The following TPM4 variants were observed in gnomAD, a reference collection of about 807,000 sequenced individuals.
The protein encoded by TPM4 is tropomyosin 4.
A neutral mutation model predicts 35.8 loss-of-function variants in TPM4; 17 were observed. The ratio of observed to expected loss-of-function variants is 0.47; its 90% CI spans 0.32 to 0.71. The LOEUF is 0.71. TPM4 is among the 30% of genes least tolerant of loss of function. TPM4 has a pLI of 0.03. For missense variants in TPM4, 240 were observed against 320.9 expected, an observed-to-expected ratio of 0.75 and a Z score of 1.93; for synonymous variants, 120 against 122.9, an observed-to-expected ratio of 0.98 and a Z score of 0.15.
At chr19:16,088,574 G>A in intron 4 of TPM4, 2 of 1,035,200 alleles carry the variant, frequency 1.9e-6, no homozygotes, top group South Asian at 7.1e-5. Flanking sequence ...CTGTCCTCTT[G>A]GCCCCGGGTG....
rs1383187810 is a variant in TPM4 at position 16,087,533 on chromosome 19, A to G, written c.385-494A>G. Among the ~76,000 whole-genome samples, 29 of 150,398 alleles carry G rather than the reference A, an allele frequency of 1.9e-4. 1 individual carries two copies. Among genetic ancestry groups the G allele is most frequent in the Admixed American group, 1.9e-3 (29 of 15,116 alleles). ...CAGAGGTTGCAGTGAGTCAAGGTTGAGCCACTGCATTTCAGCCTGGGTGAT... is the reference window on the plus strand; with the variant it reads ...CAGAGGTTGCAGTGAGTCAAGGTTGGGCCACTGCATTTCAGCCTGGGTGAT... On this transcript the variant is annotated intron_variant, in intron 3 of 7. Transcript: ENST00000643579.
At chr19:16,100,495 A>G (rs1463449470) in intron 7 of TPM4, 1 of 152,194 alleles carries the variant, frequency 6.6e-6, no homozygotes, top group Non-Finnish European at 1.5e-5. Context: ...GTTCCTTAGT[A>G]TTCTGTGATG....
intron 2 of TPM4, among the ~76,000 whole-genome samples, chr19:16,084,495 G>C (rs927903956): frequency 2.0e-5 from 3 of 152,232 alleles, no homozygotes; most frequent in Non-Finnish European, 4.4e-5. Context: ...AGACCAGCCT[G>C]GCTGGATGCT....
rs1255596160 is a variant in TPM4, at chr19:16,101,857, GT to G, written c.*512del. 6 of 228,272 alleles carry G rather than the reference GT, an allele frequency of 2.6e-5. No individual in the cohort carries two copies. The highest frequency in any genetic ancestry group is 1.3e-4 in the African/African-American group (6 of 45,018). The allele number at this position is 228,272 out of a possible 1,614,324, so 14.1% of individuals were successfully genotyped here. On this transcript the variant is annotated 3_prime_UTR_variant, in exon 8 of 8. Coordinates refer to ENST00000643579, the MANE Select transcript of TPM4 (RefSeq NM_003290.3). ...CTGGTGGGGGCCGGGGGTGGCTATTGTGGGAAGTCATAACCCACAGATAGAT... is the reference window on the plus strand; with the variant it reads ...CTGGTGGGGGCCGGGGGTGGCTATTGGGGAAGTCATAACCCACAGATAGAT...
intron 1 of TPM4, chr19:16,076,941 C>A (rs2090415843): frequency 2.4e-6 from 2 of 818,780 alleles, no homozygotes; most frequent in Non-Finnish European, 3.2e-6. Context: ...CGGGGCCGGC[C>A]AAGCGGGAAA....
intron 1 of TPM4, chr19:16,080,905 T>C: frequency 2.5e-6 from 1 of 397,170 alleles, no homozygotes; most frequent in Non-Finnish European, 4.4e-6. Context: ...TTGTACTTCC[T>C]TTCTTGTAGG....
At chr19:16,092,954 A>G (rs1320822579) in intron 5 of TPM4, 1 of 158,736 alleles carries the variant, frequency 6.3e-6, no homozygotes, top group Non-Finnish European at 1.4e-5. Context: ...TCCAGGGTTC[A>G]AGCCATCTTC....
rs143156187 is a variant in TPM4 at position 16,069,524 on chromosome 19, GGTGTGT to G, written c.114+1787_114+1792del. On this transcript the variant is annotated intron_variant, in intron 2 of 2. Transcript: ENST00000589897. ...GTGTGTATGATTGTGTGTTTCTATT[GGTGTGT>G]ATGTGTGTTGTGTGTGGATGAGTGT... Among the ~76,000 whole-genome samples, 37 of 145,644 alleles carry G rather than the reference GGTGTGT, an allele frequency of 2.5e-4. 1 individual carries two copies. The highest frequency in any genetic ancestry group is 4.6e-4 in the African/African-American group (18 of 39,112).
In TPM4 at chr19:16,067,739, G is replaced by A. The variant is rs777472943; in HGVS notation, c.114+1G>A. On this transcript the variant is annotated splice_donor_variant, in intron 2 of 2. Coordinates refer to the TPM4 transcript ENST00000589897. LOFTEE classifies it high-confidence loss of function. This position sits in a 1 kb window ranked among gnomAD's most constrained non-coding sequence, Gnocchi z 4.1. ...AGCCGCTGAGGACAAGTGCAAGCAG[G>A]TGAGGTGCCCTCCGCTGGGCCGCTC... 1.6e-5 allele frequency: 25 copies of A among 1,611,388 alleles called. No individual in the cohort carries two copies. The highest frequency in any genetic ancestry group is 2.1e-5 in the Non-Finnish European group (25 of 1,179,386).
chr19:16,081,057 C>G lies in TPM4; in HGVS notation c.133-856C>G, dbSNP rs192622459. 7 of 398,580 alleles carry G rather than the reference C, an allele frequency of 1.8e-5. No homozygotes were observed. The Admixed American group carries it at 2.6e-4, about 15-fold the overall frequency. 24.7% of individuals were successfully genotyped at this position (398,580 alleles called of 1,614,324 possible). A position where few individuals can be genotyped will look rare whatever the true frequency, so the allele number is the denominator to read the frequency against. On this transcript the variant is annotated intron_variant, in intron 1 of 7. Transcript: ENST00000643579. ...AAGGATGGAATTCCAACGAGGCTCC[C>G]CCGCCTCGTCCCACCTTGGTAATTG...
intron 1 of TPM4, among the ~76,000 whole-genome samples, chr19:16,078,866 A>G (rs551676252): frequency 1.3e-5 from 2 of 150,122 alleles, no homozygotes; most frequent in Non-Finnish European, 3.0e-5. Context: ...ACTCTTGTAG[A>G]ATAAGCCAGG....
chr19:16,082,853 G>A (rs543359023), intron 2 of TPM4, among the ~76,000 whole-genome samples: 1 of 152,108 alleles, frequency 6.6e-6, no homozygotes, highest in East Asian at 1.9e-4. Context: ...TTAGCCGGGT[G>A]TGGTGGTGCA....
chr19:16,098,029 A>C (rs896488769), intron 7 of TPM4, among the ~76,000 whole-genome samples: 1 of 151,948 alleles, frequency 6.6e-6, no homozygotes, highest in African/African-American at 2.4e-5. Flanking sequence ...TTTTGTTTGG[A>C]GTCTGTGTGT....
chr19:16,076,248 C>CAGGGGGAGGAGGAAG (rs1318837448), upstream of TPM4: 55 of 1,543,436 alleles, frequency 3.6e-5, no homozygotes, highest in East Asian at 3.9e-4. Flanking sequence ...GGGAGAGCCG[C>CAGGGGGAGGAGGAAG]AGGGGGAGGA....
chr19:16,076,425 G>A (rs894100223), upstream of TPM4: 7 of 1,351,100 alleles, frequency 5.2e-6, no homozygotes, highest in Non-Finnish European at 5.7e-6. Context: ...GACGGCAGCC[G>A]GCCCGGGGGG....
intron 1 of TPM4, chr19:16,078,181 T>C (rs1013717128): frequency 1.5e-5 from 6 of 398,624 alleles, no homozygotes; most frequent in African/African-American, 4.1e-5. Context: ...TGTGCAGTTA[T>C]GGGAGCATGA....
At chr19:16,096,096 T>C (rs2144960110) in intron 7 of TPM4, among the ~76,000 whole-genome samples, 1 of 152,186 alleles carries the variant, frequency 6.6e-6, no homozygotes, top group East Asian at 1.9e-4. Context: ...TGGCTAATTT[T>C]TCTTTTGGAT....
intron 1 of TPM4, chr19:16,081,082 G>C: frequency 2.5e-6 from 1 of 398,490 alleles, no homozygotes. Flanking sequence ...CTTGGTAATT[G>C]CATGGCCAAC....
intron 7 of TPM4, among the ~76,000 whole-genome samples, chr19:16,094,117 G>A (rs866584737): frequency 5.3e-5 from 8 of 151,820 alleles, no homozygotes; most frequent in Middle Eastern, 3.5e-3. Flanking sequence ...GGCGTGTGCC[G>A]CCACACCTGG....
Sources: allele counts gnomAD v4.1 joint callset (sites outside exome capture counted in the v4.1 genomes callset), GRCh38; gene constraint gnomAD v4.1.1; non-coding constraint Gnocchi (gnomAD v3.1); transcripts MANE v1.5; gene names NCBI Gene and HGNC (gene_info 2026-07-23, HGNC 2026-07-21).